Variants in CHODL observed in about 807,000 individuals in gnomAD.
CHODL encodes transmembrane protein MT75.
CHODL carries 29 observed loss-of-function variants against 34.5 expected under a neutral mutation model. The observed-to-expected ratio is 0.84, with a 90% confidence interval of 0.63 to 1.15. The LOEUF (loss-of-function observed/expected upper bound fraction) is 1.15. CHODL is among the 50% of genes most tolerant of loss of function. The probability of loss-of-function intolerance (pLI) is 0.00; values close to 1 mark genes in which losing one functional copy is unlikely to be tolerated. For missense variants in CHODL, 332 were observed against 332.5 expected, an observed-to-expected ratio of 1.00 and a Z score of 0.01; for synonymous variants, 125 against 116.1, an observed-to-expected ratio of 1.08 and a Z score of -0.49.
At chr21:18,146,731 A>G (rs2072895026) in intron 2 of CHODL, among the ~76,000 whole-genome samples, 1 of 152,148 alleles carries the variant, frequency 6.6e-6, no homozygotes. Context: ...GATATCTCTC[A>G]TCTCTTTTAT....
intron 2 of CHODL, among the ~76,000 whole-genome samples, chr21:18,114,173 A>T (rs1344725595): frequency 1.3e-5 from 2 of 152,172 alleles, no homozygotes; most frequent in Admixed American, 6.5e-5. Context: ...GGAGGTAGGG[A>T]TGGTTAACAG....
intron 3 of CHODL, among the ~76,000 whole-genome samples, chr21:18,257,941 AT>A (rs761967349): frequency 2.0e-5 from 3 of 151,894 alleles, no homozygotes; most frequent in Non-Finnish European, 4.4e-5. Context: ...AGGCTTTGAG[AT>A]TTTTTTTGCT....
At chr21:18,020,372 C>T (rs1235875988) in intron 1 of CHODL, among the ~76,000 whole-genome samples, 1 of 152,070 alleles carries the variant, frequency 6.6e-6, no homozygotes, top group Non-Finnish European at 1.5e-5. Context: ...AAGCTGCAAG[C>T]ACATGTCAAA....
intron 2 of CHODL, among the ~76,000 whole-genome samples, chr21:18,194,090 T>G (rs1601131436): frequency 6.7e-6 from 1 of 149,236 alleles, no homozygotes; most frequent in East Asian, 2.0e-4. Context: ...CACAACGATC[T>G]TTTGCCCTGA....
chr21:18,146,008 A>T (rs899795811), intron 2 of CHODL, among the ~76,000 whole-genome samples: 1 of 152,000 alleles, frequency 6.6e-6, no homozygotes, highest in African/African-American at 2.4e-5. Flanking sequence ...TCACTCTGTC[A>T]CCCAGGCTGG....
In CHODL at chr21:18,060,067, T is replaced by G. The variant is rs116559769; in HGVS notation, c.-45+32096T>G. On this transcript the variant is annotated intron_variant, in intron 2 of 6. Transcript: ENST00000400127. ...AACACTTTCTTCCAAGGTGCCATCA[T>G]TTATTTGATGTGGAAGTCCCCCCAC... Among the ~76,000 whole-genome samples, 1,189 of 152,258 alleles carry G rather than the reference T, an allele frequency of 7.8e-3. 12 individuals are homozygous for G. Among genetic ancestry groups the G allele is most frequent in the African/African-American group, 0.026 (1,098 of 41,548 alleles).
intron 2 of CHODL, among the ~76,000 whole-genome samples, chr21:18,105,137 G>A (rs548209339): frequency 6.6e-6 from 1 of 152,348 alleles, no homozygotes; most frequent in Non-Finnish European, 1.5e-5. Context: ...GGCTTAAATA[G>A]TCATGGCTAT....
chr21:18,071,685 A>G (rs1270612405), intron 2 of CHODL, among the ~76,000 whole-genome samples: 1 of 152,208 alleles, frequency 6.6e-6, no homozygotes, highest in East Asian at 1.9e-4. Flanking sequence ...ATTCCTAGCC[A>G]AGTAGAAAGT....
At chr21:18,050,475 C>G (rs1421829684) in intron 2 of CHODL, among the ~76,000 whole-genome samples, 18 of 151,962 alleles carry the variant, frequency 1.2e-4, no homozygotes, top group Admixed American at 1.2e-3. Context: ...AGGGCTGTGG[C>G]TGTAGTGCAG....
chr21:17,947,521 A>G (rs1197686828), intron 1 of CHODL, among the ~76,000 whole-genome samples: 2 of 138,282 alleles, frequency 1.4e-5, no homozygotes, highest in African/African-American at 2.7e-5. Flanking sequence ...AAGAAATTCA[A>G]CCTAATAAGA....
At chr21:18,111,346 T>C (rs769163018) in intron 2 of CHODL, among the ~76,000 whole-genome samples, 1 of 152,216 alleles carries the variant, frequency 6.6e-6, no homozygotes. Context: ...CATATCATCA[T>C]AGAGAAGTTA....
intron 1 of CHODL, among the ~76,000 whole-genome samples, chr21:18,015,597 A>G (rs1425658377): frequency 1.3e-5 from 2 of 152,150 alleles, no homozygotes; most frequent in African/African-American, 4.8e-5. Flanking sequence ...GGGTTGAACA[A>G]CTTGAGGGCT....
chr21:18,121,441 T>C (rs1491785), intron 2 of CHODL, among the ~76,000 whole-genome samples: 33,475 of 152,160 alleles, frequency 0.22, 4,397 homozygotes, highest in East Asian at 0.61. Flanking sequence ...TCCAGACTTA[T>C]AGAGCCAACT....
chr21:18,061,867 C>T (rs747171867), intron 2 of CHODL, among the ~76,000 whole-genome samples: 4 of 151,844 alleles, frequency 2.6e-5, no homozygotes, highest in Non-Finnish European at 5.9e-5. Flanking sequence ...TGGTTCTCAG[C>T]AGCTGTGTAA....
Position 18,149,480 on chromosome 21 carries a change from C to T in CHODL, c.-44-107029C>T, listed in dbSNP as rs79528375. The stretch of plus-strand genomic sequence containing the variant: ...GGTTCTTTTTTAAAGGAAGGAACCT[C>T]ATGGGTCTGTCTATGTGAACATCCT... On this transcript the variant is annotated intron_variant, in intron 2 of 6. Transcript: ENST00000400127. 7.2e-3 allele frequency among the ~76,000 whole-genome samples: 1,100 copies of T among 152,216 alleles called. 26 individuals carry two copies. The highest frequency in any genetic ancestry group is 0.062 in the East Asian group (319 of 5,172).
chr21:18,092,719 G>T (rs750274305), intron 2 of CHODL, among the ~76,000 whole-genome samples: 1 of 152,192 alleles, frequency 6.6e-6, no homozygotes, highest in South Asian at 2.1e-4. Context: ...AATAGATTAT[G>T]CAGAAGAAAG....
chr21:18,167,211 CTGTGTGTGTGTGTG>C (rs71329776), intron 2 of CHODL, among the ~76,000 whole-genome samples: 79 of 88,158 alleles, frequency 9.0e-4, no homozygotes, highest in East Asian at 3.6e-3. Context: ...TTCTCTCTCT[CTGTGTGTGTGTGTG>C]TGTGTGTGTG....
Position 18,256,816 on chromosome 21 carries a change from C to T in CHODL, c.387C>T (p.Tyr129=), listed in dbSNP as rs2074322306. The T allele has an allele frequency of 1.2e-6, 2 of 1,611,990 alleles. No homozygotes were observed. Among genetic ancestry groups the T allele is most frequent in the East Asian group, 4.5e-5 (2 of 44,870 alleles). ...YQWSDGSNSQ[Y]RNWYTDEPSC... ...GGTCTGATGGAAGCAATTCCCAGTA[C>T]CGGTGAGTATGGATCTTGAGCAGTT... is the stretch of plus-strand genomic sequence containing the variant. The change falls in exon 2 of 6, where the codon TAC becomes TAT. Residue 129 remains tyrosine, a splice_region_variant and synonymous_variant. Transcript: ENST00000299295.
chr21:17,988,224 T>C (rs2063768650), intron 1 of CHODL, among the ~76,000 whole-genome samples: 1 of 152,114 alleles, frequency 6.6e-6, no homozygotes, highest in South Asian at 2.1e-4. Context: ...ATGACTCACA[T>C]TGAGGAAGTC....
Sources: allele counts gnomAD v4.1 joint callset (sites outside exome capture counted in the v4.1 genomes callset), GRCh38; gene constraint gnomAD v4.1.1; transcripts MANE v1.5; gene names NCBI Gene and HGNC (gene_info 2026-07-23, HGNC 2026-07-21).